RAD51C: variants seen among roughly 807,000 people sequenced by gnomAD.
The protein encoded by RAD51C is RAD51 paralog C.
In RAD51C, 42 loss-of-function variants were observed where a neutral mutation model predicts 45.0. That is an observed-to-expected ratio of 0.93 (90% CI 0.73 to 1.21). RAD51C has a LOEUF of 1.21. Ranked by LOEUF, RAD51C falls within the 50% of genes most tolerant of loss-of-function variation. RAD51C has a pLI of 0.00. For synonymous variants in RAD51C, 172 were observed against 159.8 expected (o/e 1.08, Z -0.58); for missense variants, 474 against 452.2 (o/e 1.05, Z -0.44).
intron 4 of RAD51C, among the ~76,000 whole-genome samples, chr17:58,703,635 G>T (rs1286963403): frequency 1.3e-5 from 2 of 152,094 alleles, no homozygotes; most frequent in Admixed American, 6.6e-5. Flanking sequence ...ACTTCCTTGT[G>T]CTACTGTTTT....
At chr17:58,733,844 G>T (rs1275095039) in intron 8 of RAD51C, among the ~76,000 whole-genome samples, 1 of 152,098 alleles carries the variant, frequency 6.6e-6, no homozygotes, top group Admixed American at 6.6e-5. Context: ...TCAGCCTCCA[G>T]AGTAGCTGGG....
At chr17:58,717,661 A>G (rs899023081) in intron 5 of RAD51C, among the ~76,000 whole-genome samples, 2 of 152,178 alleles carry the variant, frequency 1.3e-5, no homozygotes, top group African/African-American at 4.8e-5. Context: ...GCTTGAACTC[A>G]GGAGGCGGAG....
At chr17:58,728,959 G>T (rs1176444499) in intron 7 of RAD51C, among the ~76,000 whole-genome samples, 1 of 152,170 alleles carries the variant, frequency 6.6e-6, no homozygotes, top group Non-Finnish European at 1.5e-5. Flanking sequence ...AGACGATCTG[G>T]TGGTAGAGTG....
Position 58,713,234 on chromosome 17 carries a change from CT to C in RAD51C, c.837+3253del, listed in dbSNP as rs576279826. Among the ~76,000 whole-genome samples the C allele has an allele frequency of 1.1e-3, 163 of 151,870 alleles. 2 individuals are homozygous for C. The highest frequency in any genetic ancestry group is 7.7e-3 in the South Asian group (37 of 4,802). On this transcript the variant is annotated intron_variant, in intron 5 of 8. Transcript: ENST00000337432. ...TGTGAACATCTTTCCATGTATACTA[CT>C]TTTTTTTTCCATGTACACTACTTAT...
chr17:58,710,887 T>A (rs1398828649), intron 5 of RAD51C, among the ~76,000 whole-genome samples: 1 of 152,104 alleles, frequency 6.6e-6, no homozygotes, highest in Non-Finnish European at 1.5e-5. Context: ...AATACACACA[T>A]TTGTCTGGGA....
intron 1 of RAD51C, 132 bp from the exon 2 acceptor site, chr17:58,694,799 A>T: frequency 1.1e-6 from 1 of 934,178 alleles, no homozygotes; most frequent in Non-Finnish European, 1.7e-6. Context: ...AATGGTTGAT[A>T]GAATGTTGCA....
chr17:58,706,521 C>G (rs1266750161), intron 4 of RAD51C: 2 of 464,600 alleles, frequency 4.3e-6, no homozygotes, highest in Non-Finnish European at 8.9e-6. Flanking sequence ...CCCTACTGCT[C>G]TGTGGGGTGG....
chr17:58,719,666 A>G (rs1752240792), intron 5 of RAD51C, among the ~76,000 whole-genome samples: 1 of 152,068 alleles, frequency 6.6e-6, no homozygotes, highest in Non-Finnish European at 1.5e-5. Context: ...TGAAAATAAA[A>G]TACTTTATGA....
Position 58,724,095 on chromosome 17 carries a change from G to A in RAD51C, c.960G>A (p.Lys320=), listed in dbSNP as rs864622395. ...GGCTAATCTTTCATTGGGACCGAAA[G>A]CAAAGGTCAGTACAGAAACAAGTTA... is the stretch of plus-strand genomic sequence containing the variant. ...TIRLIFHWDR[K]QRLATLYKSP... Residue 320 remains lysine (K), a synonymous_variant, in exon 7 of 9, where the codon AAG becomes AAA. Transcript: ENST00000337432. 2 of 1,611,020 alleles carry A rather than the reference G, an allele frequency of 1.2e-6. No homozygotes were observed. The highest frequency in any genetic ancestry group is 1.7e-5 in the Admixed American group (1 of 59,978).
At chr17:58,725,505 TAAG>T (rs2049086667) in intron 7 of RAD51C, among the ~76,000 whole-genome samples, 2 of 152,270 alleles carry the variant, frequency 1.3e-5, no homozygotes, top group East Asian at 3.9e-4. Context: ...AAAATGCATT[TAAG>T]AAGAAAAATA....
In RAD51C at chr17:58,701,992, TA is replaced by T. The variant is rs1389737477; in HGVS notation, c.572-1203del. Among the ~76,000 whole-genome samples, 5 of 142,490 alleles carry T rather than the reference TA, an allele frequency of 3.5e-5. No individual in the cohort carries two copies. The South Asian group carries it at 6.5e-4, about 19-fold the overall frequency. 93.5% of individuals were successfully genotyped at this position (142,490 alleles called of 152,430 possible). On this transcript the variant is annotated intron_variant, in intron 3 of 8. Transcript: ENST00000337432. The stretch of plus-strand genomic sequence containing the variant: ...TTGAACATTTTTTCTAACTGTGTTT[TA>T]TTTTTTTGTTTTTTTTTTTGAGACA...
intron 7 of RAD51C, among the ~76,000 whole-genome samples, chr17:58,726,401 G>A (rs1279152776): frequency 3.4e-5 from 5 of 148,298 alleles, no homozygotes; most frequent in Non-Finnish European, 7.4e-5. Context: ...ATGTATATAT[G>A]TGTATATATA....
intron 7 of RAD51C, among the ~76,000 whole-genome samples, chr17:58,725,057 C>G (rs1263357357): frequency 6.6e-6 from 1 of 152,146 alleles, no homozygotes; most frequent in Admixed American, 6.5e-5. Context: ...TCTTTTGCAA[C>G]TGATCGTGCA....
chr17:58,697,279 T>C (rs983624047), intron 3 of RAD51C, among the ~76,000 whole-genome samples: 5 of 152,190 alleles, frequency 3.3e-5, no homozygotes, highest in Non-Finnish European at 5.9e-5. Context: ...TGCTCATGCC[T>C]GTAATCCCAG....
intron 7 of RAD51C, among the ~76,000 whole-genome samples, chr17:58,730,102 A>C (rs982951187): frequency 2.0e-5 from 3 of 151,948 alleles, no homozygotes; most frequent in Admixed American, 6.6e-5. Context: ...TTTTTGCATT[A>C]AAGATAGATT....
At chr17:58,708,698 C>CT (rs1439706444) in intron 4 of RAD51C, among the ~76,000 whole-genome samples, 1 of 138,218 alleles carries the variant, frequency 7.2e-6, no homozygotes, top group Non-Finnish European at 1.7e-5. Flanking sequence ...TTATTTTTTG[C>CT]TTTGGGGGGG....
At chr17:58,694,127 C>T (rs902735305) in intron 1 of RAD51C, 1 of 152,100 alleles carries the variant, frequency 6.6e-6, no homozygotes, top group Non-Finnish European at 1.5e-5. Context: ...TAATTGTTCT[C>T]ATTAGTTTGG....
Position 58,734,197 on chromosome 17 carries a change from C to T in RAD51C, c.1106C>T (p.Ser369Leu), listed in dbSNP as rs2049566471. The part of the protein sequence containing the change: ...TEGSLSTRKR[S>L]RDPEEEL ...GGTTCCTTGAGCACCCGGAAACGGT[C>T]ACGAGACCCAGAGGAAGAATTATAA... The change falls in exon 9 of 9, where the codon TCA becomes TTA. Residue 369 changes from serine (S) to leucine (L), a missense_variant. Coordinates refer to ENST00000337432, the MANE Select transcript of RAD51C (RefSeq NM_058216.3). 2 of 1,612,742 alleles carry T rather than the reference C, an allele frequency of 1.2e-6. No homozygotes were observed. The highest frequency in any genetic ancestry group is 1.7e-6 in the Non-Finnish European group (2 of 1,179,262).
rs1486574276 is a variant in RAD51C at position 58,696,795 on chromosome 17, G to A, written c.507G>A (p.Val169=). 1 of 1,614,018 alleles carries A rather than the reference G, an allele frequency of 6.2e-7. No homozygotes were observed. The highest frequency in any genetic ancestry group is 8.5e-7 in the Non-Finnish European group (1 of 1,180,026). ...DTEGSFMVDR[V]VDLATACIQH... Reference sequence around the variant, plus strand: ...AGGGAAGTTTTATGGTTGATAGAGTGGTAGACCTTGCTACTGCCTGCATTC... The same window carrying A: ...AGGGAAGTTTTATGGTTGATAGAGTAGTAGACCTTGCTACTGCCTGCATTC... Residue 169 remains valine (V), a synonymous_variant, in exon 3 of 9, where the codon GTG becomes GTA. Transcript: ENST00000337432.
Sources: gnomAD v4.1 joint callset for allele counts (sites outside exome capture counted in the v4.1 genomes callset) on GRCh38, gnomAD v4.1.1 for gene constraint, MANE v1.5 for transcripts, NCBI Gene and HGNC (gene_info 2026-07-23, HGNC 2026-07-21) for gene names.